Variants in UNC5C observed in about 807,000 individuals in gnomAD.
UNC5C encodes unc-5 netrin receptor C.
In UNC5C, 47 loss-of-function variants were observed where a neutral mutation model predicts 99.8. That is an observed-to-expected ratio of 0.47 (90% confidence interval 0.37 to 0.60). The LOEUF (loss-of-function observed/expected upper bound fraction) is 0.60. UNC5C is among the 20% of genes least tolerant of loss of function. The pLI, the probability that UNC5C is intolerant of heterozygous loss-of-function variation, is 0.00. For missense variants in UNC5C, 1,062 were observed against 1,165.9 expected (o/e 0.91, Z 1.30); for synonymous variants, 487 against 452.2 (o/e 1.08, Z -0.98).
intron 1 of UNC5C, among the ~76,000 whole-genome samples, chr4:95,439,847 T>G (rs1746898607): frequency 6.6e-6 from 1 of 152,108 alleles, no homozygotes. Flanking sequence ...AAATTGAATG[T>G]CAGTCTTTTT....
chr4:95,189,435 G>A (rs576144485), intron 12 of UNC5C, among the ~76,000 whole-genome samples: 2 of 152,304 alleles, frequency 1.3e-5, no homozygotes, highest in African/African-American at 2.4e-5. Flanking sequence ...ACAGGCTCAT[G>A]CCACTGCACC....
At chr4:95,410,067 T>TA (rs1745934282) in intron 1 of UNC5C, among the ~76,000 whole-genome samples, 1 of 152,316 alleles carries the variant, frequency 6.6e-6, no homozygotes, top group South Asian at 2.1e-4. Context: ...TAGTGACTGC[T>TA]AGTGATTTTG....
intron 3 of UNC5C, among the ~76,000 whole-genome samples, chr4:95,282,092 G>T (rs1741079798): frequency 6.6e-6 from 1 of 152,212 alleles, no homozygotes; most frequent in South Asian, 2.1e-4. Context: ...AATCGCTGAA[G>T]CACTGGAAAC....
intron 1 of UNC5C, among the ~76,000 whole-genome samples, chr4:95,414,990 T>A (rs192347067): frequency 1.4e-3 from 215 of 152,316 alleles, no homozygotes; most frequent in Non-Finnish European, 2.5e-3. Context: ...TTACTCATCA[T>A]ATTAAATTCA....
chr4:95,173,636 G>A (rs62316258), intron 14 of UNC5C, among the ~76,000 whole-genome samples: 10 of 146,156 alleles, frequency 6.8e-5, no homozygotes, highest in South Asian at 4.4e-4. Flanking sequence ...TGCTGGATTC[G>A]GTTTGCCAGT....
chr4:95,252,512 T>C (rs764935265), intron 4 of UNC5C, among the ~76,000 whole-genome samples: 14 of 152,184 alleles, frequency 9.2e-5, no homozygotes, highest in Non-Finnish European at 1.6e-4. Flanking sequence ...CATTGACTAA[T>C]GGGTGCAGAA....
intron 4 of UNC5C, among the ~76,000 whole-genome samples, chr4:95,271,847 G>T (rs556901436): frequency 3.9e-5 from 6 of 152,110 alleles, no homozygotes; most frequent in Admixed American, 3.3e-4. Context: ...CTGCGCCCTC[G>T]TTCCCTCTTT....
intron 4 of UNC5C, among the ~76,000 whole-genome samples, chr4:95,264,568 C>A (rs979960170): frequency 6.6e-6 from 1 of 152,156 alleles, no homozygotes; most frequent in Non-Finnish European, 1.5e-5. Flanking sequence ...AACAAACCAA[C>A]AACAAAATTA....
chr4:95,304,275 T>C (rs1344883895), intron 2 of UNC5C, among the ~76,000 whole-genome samples: 2 of 152,224 alleles, frequency 1.3e-5, no homozygotes, highest in African/African-American at 2.4e-5. Context: ...TGTATGTTTA[T>C]ATATTAACCA....
intron 1 of UNC5C, among the ~76,000 whole-genome samples, chr4:95,435,896 G>T (rs1479815746): frequency 6.6e-6 from 1 of 152,002 alleles, no homozygotes; most frequent in South Asian, 2.1e-4. Flanking sequence ...AATTTTGCAT[G>T]TTATGCTCCA....
chr4:95,186,272 G>A (rs1736826042), intron 12 of UNC5C, among the ~76,000 whole-genome samples: 2 of 152,100 alleles, frequency 1.3e-5, no homozygotes, highest in Admixed American at 1.3e-4. Context: ...TTTTTTCTTT[G>A]GTGCTATTTC....
chr4:95,435,170 C>T (rs1164489082), intron 1 of UNC5C, among the ~76,000 whole-genome samples: 1 of 151,948 alleles, frequency 6.6e-6, no homozygotes, highest in South Asian at 2.1e-4. Flanking sequence ...ACTAAGTGGC[C>T]CTCCCAATTC....
chr4:95,477,035 G>A (rs759353242), intron 1 of UNC5C, among the ~76,000 whole-genome samples: 8 of 152,052 alleles, frequency 5.3e-5, no homozygotes, highest in Non-Finnish European at 1.0e-4. Flanking sequence ...ACACACAAAA[G>A]ACACAAATAT....
intron 3 of UNC5C, among the ~76,000 whole-genome samples, chr4:95,300,837 T>C (rs1042848725): frequency 2.3e-4 from 35 of 152,172 alleles, no homozygotes; most frequent in Admixed American, 2.1e-3. Context: ...GGATGATTAA[T>C]GAGTACAGAA....
At chr4:95,249,611 C>T (rs1013912374) in intron 5 of UNC5C, among the ~76,000 whole-genome samples, 1 of 152,154 alleles carries the variant, frequency 6.6e-6, no homozygotes, top group African/African-American at 2.4e-5. Context: ...CATGAAATGA[C>T]TAGAAAATAA....
intron 1 of UNC5C, among the ~76,000 whole-genome samples, chr4:95,395,497 C>T (rs1436749128): frequency 6.6e-6 from 1 of 152,158 alleles, no homozygotes; most frequent in Non-Finnish European, 1.5e-5. Context: ...GTGTCCTCCT[C>T]CCAGACACTA....
chr4:95,187,312 C>A (rs903841531), intron 12 of UNC5C, among the ~76,000 whole-genome samples: 1 of 152,156 alleles, frequency 6.6e-6, no homozygotes. Context: ...CTCATCAAGA[C>A]GTCTAAAGAG....
At chr4:95,519,122 T>C (rs1267492145) in intron 1 of UNC5C, among the ~76,000 whole-genome samples, 1 of 151,992 alleles carries the variant, frequency 6.6e-6, no homozygotes, top group African/African-American at 2.4e-5. Flanking sequence ...CTTCAAGACA[T>C]AGAGTATAGA....
At chr4:95,433,010 C>A (rs4428296) in intron 1 of UNC5C, among the ~76,000 whole-genome samples, 119,475 of 152,004 alleles carry the variant, frequency 0.79, 47,477 homozygotes, top group African/African-American at 0.89. Flanking sequence ...ATGTCAGTTA[C>A]GTCAACCACA....
Sources: allele counts gnomAD v4.1 joint callset (sites outside exome capture counted in the v4.1 genomes callset), GRCh38; gene constraint gnomAD v4.1.1; transcripts MANE v1.5; gene names NCBI Gene and HGNC (gene_info 2026-07-23, HGNC 2026-07-21).